The following RSRP1 variants were observed in gnomAD, a reference collection of about 807,000 sequenced individuals.
The protein encoded by RSRP1 is arginine and serine rich protein 1.
Under a neutral mutation model 33.0 loss-of-function variants are expected in RSRP1, and 37 were observed. The ratio of observed to expected loss-of-function variants is 1.12; its 90% CI spans 0.86 to 1.48. The LOEUF (loss-of-function observed/expected upper bound fraction) is 1.48, where lower values mean the gene tolerates loss of function less well. RSRP1 is among the 40% of genes most tolerant of loss of function. The pLI is 0.00. For missense variants in RSRP1, 402 were observed against 385.3 expected (o/e 1.04, Z -0.36); for synonymous variants, 167 against 158.7 (o/e 1.05, Z -0.40).
intron 3 of RSRP1, chr1:25,244,876 G>GC (rs1197273034): frequency 8.4e-7 from 1 of 1,186,816 alleles, no homozygotes; most frequent in Admixed American, 3.5e-5. Flanking sequence ...TAAACACGCG[G>GC]TTTTGCCACA....
chr1:25,261,217 G>T (rs949882176), intron 1 of RSRP1, among the ~76,000 whole-genome samples: 58 of 152,204 alleles, frequency 3.8e-4, no homozygotes, highest in Middle Eastern at 6.8e-3. Flanking sequence ...GTCACTTTAG[G>T]GGTTAGGGCT....
chr1:25,276,531 C>CAAAAAAAAAAAAAAAAAA (rs1640993917), intron 1 of RSRP1, among the ~76,000 whole-genome samples: 1 of 13,756 alleles, frequency 7.3e-5, no homozygotes, highest in African/African-American at 2.0e-4. Context: ...CCCCCCATCT[C>CAAAAAAAAAAAAAAAAAA]TAAAAAAAAA....
intron 1 of RSRP1, among the ~76,000 whole-genome samples, chr1:25,277,917 A>C (rs889702958): frequency 1.5e-5 from 2 of 132,476 alleles, no homozygotes; most frequent in African/African-American, 5.1e-5. Context: ...CAGGTGATGC[A>C]CCCGCCTTGG....
chr1:25,260,583 G>T (rs554495667), intron 1 of RSRP1, among the ~76,000 whole-genome samples: 95 of 152,232 alleles, frequency 6.2e-4, no homozygotes, highest in African/African-American at 2.0e-3. Flanking sequence ...TGTATTAGTC[G>T]GCTTGGGCTA....
intron 1 of RSRP1, 111 bp from the exon 2 acceptor site, chr1:25,247,140 A>C (rs2124543392): frequency 3.0e-6 from 2 of 660,048 alleles, no homozygotes; most frequent in Non-Finnish European, 2.4e-6. Flanking sequence ...GCGGGCGGCG[A>C]CCGCCGCGAC....
At position 25,246,626 on chromosome 1, in the gene RSRP1, G is replaced by T. The variant is rs1639431156; in HGVS notation, c.338C>A (p.Ser113Tyr). The change falls in exon 2 of 5, where the codon TCC becomes TAC. Residue 113 changes from serine to tyrosine, a missense_variant. Physicochemically the swap from Ser to Tyr is moderately radical, Grantham distance 144. Coordinates refer to ENST00000243189, the MANE Select transcript of RSRP1 (RefSeq NM_020317.5). ...RYYRSPSRYRSRSRSRSRSRG... is the reference protein window; with the variant it reads ...RYYRSPSRYRYRSRSRSRSRG... ...AGAGCGCGACCTGCTACGGGACCGG[G>T]ACCGGTACCGCGAAGGAGACCGGTA... 1 of 1,613,966 alleles carries T rather than the reference G, an allele frequency of 6.2e-7. No individual in the cohort carries two copies. The highest frequency in any genetic ancestry group is 8.5e-7 in the Non-Finnish European group (1 of 1,180,024).
In RSRP1 at chr1:25,289,287, C is replaced by T. The variant is rs1161449883; in HGVS notation, c.-66-42258G>A. Among the ~76,000 whole-genome samples the T allele has an allele frequency of 1.5e-5, 2 of 131,190 alleles. 1 individual carries two copies. Among genetic ancestry groups the T allele is most frequent in the Non-Finnish European group, 3.6e-5 (2 of 55,502 alleles). 86.1% of individuals were successfully genotyped at this position (131,190 alleles called of 152,430 possible). A position where few individuals can be genotyped will look rare whatever the true frequency, so the allele number is the denominator to read the frequency against. On this transcript the variant is annotated intron_variant, in intron 1 of 1. Transcript: ENST00000561867. ...TCGGCCCACTGAAACCTCTGCCTCC[C>T]GGGTTCAAGCGACTGCCATGCCTCA...
At chr1:25,281,830 G>A (rs1309777197) in intron 1 of RSRP1, among the ~76,000 whole-genome samples, 1 of 132,740 alleles carries the variant, frequency 7.5e-6, no homozygotes, top group African/African-American at 2.6e-5. Flanking sequence ...GTGGTGTCAG[G>A]TTGATTTGGA....
intron 1 of RSRP1, among the ~76,000 whole-genome samples, chr1:25,299,088 A>C (rs1225863964): frequency 3.9e-5 from 5 of 126,820 alleles, no homozygotes; most frequent in African/African-American, 8.1e-5. Context: ...AAAAAAAAAA[A>C]AAAAAAAAAC....
upstream of RSRP1, among the ~76,000 whole-genome samples, chr1:25,251,353 T>C (rs142699446): frequency 6.6e-6 from 1 of 152,288 alleles, no homozygotes; most frequent in African/African-American, 2.4e-5. Context: ...AAACATTCAG[T>C]ATAATTTATA....
In RSRP1 at chr1:25,245,247, G is replaced by C. The variant is rs958982470; in HGVS notation, c.575C>G (p.Thr192Arg). ...AKTNAAKALGTTNIDLPASLR... is the reference protein window; with the variant it reads ...AKTNAAKALGRTNIDLPASLR... ...ACTAGCTGGCAAGTCAATGTTGGTT[G>C]TTCCTAGAGCTTTCGCTGCATTGGT... The change falls in exon 3 of 5, where the codon ACA (threonine) becomes AGA (arginine). Residue 192 changes from threonine to arginine, a missense_variant. Coordinates refer to ENST00000243189, the MANE Select transcript of RSRP1 (RefSeq NM_020317.5). 1 of 1,613,790 alleles carries C rather than the reference G, an allele frequency of 6.2e-7. No homozygotes were observed. The highest frequency in any genetic ancestry group is 1.3e-5 in the African/African-American group (1 of 74,834).
chr1:25,244,224 T>A (rs1293184450), intron 3 of RSRP1: 3 of 1,289,310 alleles, frequency 2.3e-6, no homozygotes, highest in Non-Finnish European at 2.0e-6. Flanking sequence ...TCTCAAAACA[T>A]CTGGAATATA....
chr1:25,257,637 G>A (rs1346703800), intron 1 of RSRP1, among the ~76,000 whole-genome samples: 4 of 139,180 alleles, frequency 2.9e-5, no homozygotes, highest in Admixed American at 1.5e-4. Flanking sequence ...GTCTCGCCCT[G>A]TTGCCCAGGT....
intron 1 of RSRP1, among the ~76,000 whole-genome samples, chr1:25,313,012 G>A (rs1176727147): frequency 2.5e-5 from 3 of 120,344 alleles, no homozygotes; most frequent in African/African-American, 8.3e-5. Flanking sequence ...TTTGGGGGCT[G>A]GGGCAGGATG....
chr1:25,246,617 C>CG lies in RSRP1; in HGVS notation c.346dup (p.Arg116ProfsTer2). On this transcript the variant is annotated frameshift_variant, in exon 2 of 5. Coordinates refer to ENST00000243189, the MANE Select transcript of RSRP1 (RefSeq NM_020317.5). LOFTEE classifies it high-confidence loss of function. ...CCTTCCCCGAGAGCGCGACCTGCTA[C>CG]GGGACCGGGACCGGTACCGCGAAGG... 6.2e-7 allele frequency: 1 copy of CG among 1,613,954 alleles called. No individual in the cohort carries two copies. Among genetic ancestry groups the CG allele is most frequent in the Non-Finnish European group, 8.5e-7 (1 of 1,180,018 alleles).
Position 25,315,339 on chromosome 1 carries a change from T to A in RSRP1, c.-67+22639A>T, listed in dbSNP as rs564013839. On this transcript the variant is annotated intron_variant, in intron 1 of 1. Coordinates refer to the RSRP1 transcript ENST00000561867. The stretch of plus-strand genomic sequence containing the variant: ...TGGGGAGGAAGCAAACTATTGAAGA[T>A]ATACAAAGATGGCAAAGATGAGGGC... 3.9e-5 allele frequency among the ~76,000 whole-genome samples: 5 copies of A among 129,356 alleles called. No individual in the cohort carries two copies. In the East Asian group the frequency reaches 9.8e-4, roughly 25 times the overall value. 84.9% of individuals were successfully genotyped at this position (129,356 alleles called of 152,430 possible).
Position 25,257,661 on chromosome 1 carries a change from G to A in RSRP1, c.-66-10632C>T, listed in dbSNP as rs571654954. Among the ~76,000 whole-genome samples the A allele has an allele frequency of 5.4e-5, 8 of 148,634 alleles. No individual in the cohort carries two copies. In the East Asian group the frequency reaches 1.4e-3, roughly 26 times the overall value. ...TGTTGCCCAGGTTGAGTGCACTGGT[G>A]CAGTCATGGCTCACTGCAGCCTCAA... On this transcript the variant is annotated intron_variant, in intron 1 of 1. Coordinates refer to the RSRP1 transcript ENST00000561867.
chr1:25,285,134 A>ATT (rs869147845), intron 1 of RSRP1, among the ~76,000 whole-genome samples: 7 of 120,760 alleles, frequency 5.8e-5, no homozygotes, highest in Non-Finnish European at 5.7e-5. Context: ...GAGACATTCT[A>ATT]TTTTTTTTTT....
intron 1 of RSRP1, among the ~76,000 whole-genome samples, chr1:25,273,263 G>A (rs1174228862): frequency 8.0e-6 from 1 of 125,102 alleles, no homozygotes; most frequent in African/African-American, 2.7e-5. Flanking sequence ...AGCCTCCCAA[G>A]AAGCTGGGAC....
Sources: allele counts gnomAD v4.1 joint callset (sites outside exome capture counted in the v4.1 genomes callset), GRCh38; gene constraint gnomAD v4.1.1; transcripts MANE v1.5; gene names NCBI Gene and HGNC (gene_info 2026-07-23, HGNC 2026-07-21).